Variants in NWD2 observed in about 807,000 individuals in gnomAD.
NWD2 encodes NACHT and WD repeat domain-containing protein 2.
Under a neutral mutation model 132.7 loss-of-function variants are expected in NWD2, and 37 were observed. That is an observed-to-expected ratio of 0.28 (90% CI 0.21 to 0.37). NWD2 has a LOEUF of 0.37. Among genes scored for constraint, NWD2 ranks in the 10% least tolerant of loss-of-function variants. NWD2 has a pLI of 1.00. For missense variants in NWD2, 1,592 were observed against 2,122.4 expected (o/e 0.75, Z 4.91); for synonymous variants, 705 against 803.0 (o/e 0.88, Z 2.06).
intron 3 of NWD2, among the ~76,000 whole-genome samples, chr4:37,401,552 G>A (rs540849384): frequency 2.0e-5 from 3 of 152,122 alleles, no homozygotes; most frequent in East Asian, 3.9e-4. Flanking sequence ...GATCCCTCCA[G>A]CTGCAGCTGC....
intron 3 of NWD2, among the ~76,000 whole-genome samples, chr4:37,382,000 T>G (rs540230540): frequency 1.3e-5 from 2 of 152,362 alleles, no homozygotes; most frequent in East Asian, 3.9e-4. Context: ...TTCGTGACAC[T>G]GTGGGCAAGC....
At chr4:37,404,613 G>A (rs1242667121) in intron 3 of NWD2, among the ~76,000 whole-genome samples, 1 of 152,080 alleles carries the variant, frequency 6.6e-6, no homozygotes, top group South Asian at 2.1e-4. Context: ...CCTCAGGAAG[G>A]GCAATGTATT....
At chr4:37,250,751 C>G (rs761964872) in intron 1 of NWD2, among the ~76,000 whole-genome samples, 1 of 152,152 alleles carries the variant, frequency 6.6e-6, no homozygotes, top group Non-Finnish European at 1.5e-5. Flanking sequence ...TGCTTAATGA[C>G]AGGGATATGT....
intron 3 of NWD2, among the ~76,000 whole-genome samples, chr4:37,386,167 A>G (rs559881281): frequency 3.3e-5 from 5 of 152,222 alleles, no homozygotes; most frequent in Middle Eastern, 3.4e-3. Flanking sequence ...TTATTTCTCT[A>G]TAAAGAAAGA....
intron 3 of NWD2, among the ~76,000 whole-genome samples, chr4:37,362,603 G>C (rs1326513255): frequency 6.6e-6 from 1 of 152,136 alleles, no homozygotes; most frequent in Non-Finnish European, 1.5e-5. Flanking sequence ...TATTGGGATA[G>C]CTGTCTAGCC....
At chr4:37,314,984 T>G (rs1247203767) in intron 1 of NWD2, among the ~76,000 whole-genome samples, 1 of 152,164 alleles carries the variant, frequency 6.6e-6, no homozygotes, top group Non-Finnish European at 1.5e-5. Context: ...CACATTTTGT[T>G]TTCCTTTGTG....
At chr4:37,291,801 C>A (rs1718366721) in intron 1 of NWD2, among the ~76,000 whole-genome samples, 1 of 152,094 alleles carries the variant, frequency 6.6e-6, no homozygotes, top group South Asian at 2.1e-4. Flanking sequence ...CAGTTATATA[C>A]ATCCACAAAT....
chr4:37,281,075 C>A (rs577231030), intron 1 of NWD2, among the ~76,000 whole-genome samples: 21 of 152,172 alleles, frequency 1.4e-4, no homozygotes, highest in African/African-American at 4.6e-4. Flanking sequence ...AGAAAGCTAA[C>A]CTTTGTTGCT....
chr4:37,363,968 C>CAAAA (rs112086576), intron 3 of NWD2, among the ~76,000 whole-genome samples: 1 of 142,240 alleles, frequency 7.0e-6, no homozygotes, highest in African/African-American at 2.6e-5. Context: ...ACTAAAAATA[C>CAAAA]AAAAAAAAAA....
At chr4:37,334,906 C>A (rs1268747063) in intron 2 of NWD2, among the ~76,000 whole-genome samples, 1 of 152,156 alleles carries the variant, frequency 6.6e-6, no homozygotes, top group Non-Finnish European at 1.5e-5. Context: ...TCCCTAAATA[C>A]TTCTCCAATC....
intron 3 of NWD2, among the ~76,000 whole-genome samples, chr4:37,377,393 G>A (rs575991528): frequency 6.6e-6 from 1 of 152,104 alleles, no homozygotes; most frequent in African/African-American, 2.4e-5. Flanking sequence ...AAATGTCCAC[G>A]TAATTTTTTT....
intron 3 of NWD2, among the ~76,000 whole-genome samples, chr4:37,400,878 A>G (rs183485891): frequency 4.8e-4 from 73 of 152,344 alleles, no homozygotes; most frequent in African/African-American, 1.6e-3. Context: ...GTGTTACAAT[A>G]AAGGAATACC....
At chr4:37,311,150 G>C (rs1718833175) in intron 1 of NWD2, among the ~76,000 whole-genome samples, 1 of 152,228 alleles carries the variant, frequency 6.6e-6, no homozygotes, top group African/African-American at 2.4e-5. Flanking sequence ...TATATACCCA[G>C]TAATGGGATG....
At chr4:37,257,379 A>G (rs1344856378) in intron 1 of NWD2, among the ~76,000 whole-genome samples, 4 of 152,248 alleles carry the variant, frequency 2.6e-5, no homozygotes, top group East Asian at 3.8e-4. Context: ...TGAAAGTTAG[A>G]TTCAGGTTTG....
chr4:37,274,707 G>A (rs1309167917), intron 1 of NWD2, among the ~76,000 whole-genome samples: 2 of 151,842 alleles, frequency 1.3e-5, no homozygotes, highest in Admixed American at 6.6e-5. Context: ...ACCAAATCCA[G>A]CAGCACATCA....
chr4:37,347,400 ATTT>A (rs1719658276), intron 2 of NWD2, among the ~76,000 whole-genome samples: 1 of 152,238 alleles, frequency 6.6e-6, no homozygotes, highest in Admixed American at 6.5e-5. Flanking sequence ...AATGTAGGAT[ATTT>A]AAGTCTCCAC....
chr4:37,414,955 G>C (rs75073502), intron 3 of NWD2, among the ~76,000 whole-genome samples: 2,256 of 152,264 alleles, frequency 0.015, 57 homozygotes, highest in African/African-American at 0.052. Flanking sequence ...AAGTAACTTG[G>C]CTGAGGTCAC....
chr4:37,339,586 G>T (rs1028050373), intron 2 of NWD2, among the ~76,000 whole-genome samples: 2 of 152,156 alleles, frequency 1.3e-5, no homozygotes, highest in East Asian at 1.9e-4. Flanking sequence ...ATTAAGAGAG[G>T]GTTGCCCATT....
At chr4:37,305,005 G>C (rs564956060) in intron 1 of NWD2, among the ~76,000 whole-genome samples, 36 of 152,304 alleles carry the variant, frequency 2.4e-4, no homozygotes, top group African/African-American at 7.9e-4. Flanking sequence ...TGGACATCCA[G>C]GCATTTCCAT....
Sources: gnomAD v4.1 joint callset for allele counts (sites outside exome capture counted in the v4.1 genomes callset) on GRCh38, gnomAD v4.1.1 for gene constraint, MANE v1.5 for transcripts, NCBI Gene and HGNC (gene_info 2026-07-23, HGNC 2026-07-21) for gene names.